Variants in ABI3BP observed in about 807,000 individuals in gnomAD.
ABI3BP encodes ABI family member 3 binding protein.
ABI3BP carries 216 observed loss-of-function variants against 268.6 expected under a neutral mutation model. The observed-to-expected ratio is 0.80, with a 90% CI of 0.72 to 0.90. The LOEUF is 0.90. Among genes scored for constraint, ABI3BP ranks in the 40% least tolerant of loss-of-function variants. ABI3BP has a pLI of 0.00. For missense variants in ABI3BP, 2,090 were observed against 2,182.4 expected (o/e 0.96, Z 0.84); for synonymous variants, 730 against 730.0 (o/e 1.00, Z 0.00).
At chr3:100,989,653 A>T (rs2092600633) in intron 1 of ABI3BP, among the ~76,000 whole-genome samples, 1 of 152,200 alleles carries the variant, frequency 6.6e-6, no homozygotes, top group South Asian at 2.1e-4. Flanking sequence ...GCTTAAAAAT[A>T]ATAGCCATTG....
At chr3:100,847,002 C>T (rs1282548998) in intron 19 of ABI3BP, among the ~76,000 whole-genome samples, 1 of 152,158 alleles carries the variant, frequency 6.6e-6, no homozygotes. Flanking sequence ...TAAAATCATT[C>T]AACCAGTAGC....
rs9878937 is a variant in ABI3BP at position 100,879,145 on chromosome 3, G to A, written c.697-2585C>T. 5.3e-5 allele frequency among the ~76,000 whole-genome samples: 8 copies of A among 152,068 alleles called. No individual in the cohort carries two copies. In the East Asian group the frequency reaches 7.8e-4, roughly 15 times the overall value. ...CCTGCCTAACTGAAACTTCCTACCC[G>A]TTGTCAATATCTCCTCACTGCCCCC... is the stretch of plus-strand genomic sequence containing the variant. On this transcript the variant is annotated intron_variant, in intron 6 of 67. Transcript: ENST00000471714.
chr3:100,813,155 A>C (rs938088324), intron 45 of ABI3BP, among the ~76,000 whole-genome samples: 3 of 152,212 alleles, frequency 2.0e-5, no homozygotes, highest in Admixed American at 2.0e-4. Flanking sequence ...TGTTGGGATT[A>C]CAGGTGTGAG....
At chr3:100,976,661 A>G (rs952537487) in intron 1 of ABI3BP, among the ~76,000 whole-genome samples, 5 of 152,230 alleles carry the variant, frequency 3.3e-5, no homozygotes, top group African/African-American at 1.2e-4. Flanking sequence ...ATTACATGAG[A>G]ATGCCATGGC....
In ABI3BP at chr3:100,833,105, A is replaced by G. The variant is rs748543056; in HGVS notation, c.2314+20T>C. On this transcript the variant is annotated intron_variant, in intron 30 of 67. Transcript: ENST00000471714. ...ATGAGTAAGAAAAAGGACTTGCTGA[A>G]GGACATAGAGAGTCATTACCTGAAG... The G allele has an allele frequency of 6.5e-7, 1 of 1,531,746 alleles. No homozygotes were observed. The highest frequency in any genetic ancestry group is 1.2e-5 in the South Asian group (1 of 83,424). The allele number at this position is 1,531,746 out of a possible 1,614,324, so 94.9% of individuals were successfully genotyped here.
intron 61 of ABI3BP, among the ~76,000 whole-genome samples, chr3:100,771,770 T>C (rs1257851013): frequency 6.6e-6 from 1 of 152,138 alleles, no homozygotes; most frequent in Non-Finnish European, 1.5e-5. Flanking sequence ...GTGTGGACCA[T>C]TTCTGGTGGT....
At chr3:100,975,494 A>T (rs377652004) in intron 1 of ABI3BP, among the ~76,000 whole-genome samples, 1 of 152,092 alleles carries the variant, frequency 6.6e-6, no homozygotes, top group Non-Finnish European at 1.5e-5. Context: ...CTCTAGTCAC[A>T]GTTGTGACAT....
Position 100,864,816 on chromosome 3 carries a change from A to AG in ABI3BP, c.1063+16_1063+17insC. The AG allele has an allele frequency of 6.4e-7, 1 of 1,570,294 alleles. No individual in the cohort carries two copies. Among genetic ancestry groups the AG allele is most frequent in the South Asian group, 1.2e-5 (1 of 82,574 alleles). On this transcript the variant is annotated intron_variant, in intron 11 of 67. Coordinates refer to ENST00000471714, the MANE Select transcript of ABI3BP (RefSeq NM_001375547.2). ...TACTTTTGTTTTTTTAGAAAAAAAA[A>AG]AAGTTCTTAGAATTACCCAGTGTTG...
chr3:100,837,163 G>T lies in ABI3BP; in HGVS notation c.2092C>A (p.Pro698Thr). ...GGAGCTTCAGTTTCAAATGGAACAG[G>T]CTCAGAGACTGCATCATAAAAAATA... ...DMPPTKSVSE[P>T]VPFETEAPSM... Residue 698 changes from proline to threonine, a missense_variant, in exon 27 of 68, where the codon CCT (proline) becomes ACT (threonine). By Grantham distance (38) the Pro-to-Thr change is conservative. Coordinates refer to ENST00000471714, the MANE Select transcript of ABI3BP (RefSeq NM_001375547.2). The T allele has an allele frequency of 2.0e-6, 3 of 1,533,796 alleles. No homozygotes were observed. The highest frequency in any genetic ancestry group is 2.6e-6 in the Non-Finnish European group (3 of 1,145,818).
At chr3:100,945,778 T>C (rs1280443008) in intron 1 of ABI3BP, 1 of 303,550 alleles carries the variant, frequency 3.3e-6, no homozygotes, top group Non-Finnish European at 6.4e-6. Context: ...AGTGCTGCTA[T>C]AAAATTTCAT....
intron 14 of ABI3BP, among the ~76,000 whole-genome samples, chr3:100,860,112 C>A (rs1205214090): frequency 3.3e-5 from 5 of 152,128 alleles, no homozygotes; most frequent in African/African-American, 9.7e-5. Context: ...ATGTTCATAT[C>A]GCCTGGGCAT....
intron 6 of ABI3BP, among the ~76,000 whole-genome samples, chr3:100,883,306 G>C (rs553446072): frequency 6.6e-6 from 1 of 152,134 alleles, no homozygotes; most frequent in South Asian, 2.1e-4. Context: ...CTAATAATTT[G>C]GTTAAGGAAA....
chr3:100,835,654 G>A lies in ABI3BP; in HGVS notation c.2138C>T (p.Thr713Ile). The stretch of plus-strand genomic sequence containing the variant: ...CACAGTTACAGGCTCAATGTCTGTG[G>A]TGGGAACTAACCAAAAGCAATACAA... ...TEAPSMTIVP[T>I]TDIEPVTVRT... is the part of the protein sequence containing the mutation. The change falls in exon 28 of 68, where the codon ACC (threonine) becomes ATC (isoleucine). Residue 713 changes from threonine to isoleucine, a missense_variant. Transcript: ENST00000471714. 1 of 1,534,678 alleles carries A rather than the reference G, an allele frequency of 6.5e-7. No individual in the cohort carries two copies.
chr3:100,817,763 T>A (rs1305504037), intron 41 of ABI3BP, among the ~76,000 whole-genome samples: 1 of 152,194 alleles, frequency 6.6e-6, no homozygotes, highest in Non-Finnish European at 1.5e-5. Flanking sequence ...TGGACAAGCT[T>A]TTTACACATT....
chr3:100,929,864 A>G (rs945789162), intron 1 of ABI3BP, among the ~76,000 whole-genome samples: 2 of 152,090 alleles, frequency 1.3e-5, no homozygotes, highest in African/African-American at 4.8e-5. Flanking sequence ...AGTGTCAGCA[A>G]AAAGGTTAAG....
intron 13 of ABI3BP, 135 bp from the exon 14 acceptor site, chr3:100,862,520 T>C (rs1275457948): frequency 1.4e-5 from 9 of 628,974 alleles, no homozygotes; most frequent in Non-Finnish European, 2.5e-5. Context: ...AAAGTCATTA[T>C]ATATCAGTAA....
intron 2 of ABI3BP, among the ~76,000 whole-genome samples, chr3:100,913,062 T>C (rs1176310871): frequency 2.0e-5 from 3 of 152,182 alleles, no homozygotes; most frequent in Non-Finnish European, 4.4e-5. Context: ...TAGAATGCTG[T>C]TGTCTCCTCA....
At chr3:100,852,983 A>G (rs1580563486) in intron 14 of ABI3BP, among the ~76,000 whole-genome samples, 1 of 152,330 alleles carries the variant, frequency 6.6e-6, no homozygotes, top group East Asian at 1.9e-4. Context: ...TCCATTCAAA[A>G]TGGCAGCACA....
At chr3:100,847,715 C>A in intron 18 of ABI3BP, 42 bp from the exon 19 acceptor site, 1 of 1,521,248 alleles carries the variant, frequency 6.6e-7, no homozygotes, top group Non-Finnish European at 9.1e-7. Context: ...ATCCTAGAGA[C>A]AATAAAAAGA....
Sources: gnomAD v4.1 joint callset for allele counts (sites outside exome capture counted in the v4.1 genomes callset) on GRCh38, gnomAD v4.1.1 for gene constraint, MANE v1.5 for transcripts, NCBI Gene and HGNC (gene_info 2026-07-23, HGNC 2026-07-21) for gene names.